PTPN21: variants seen among roughly 807,000 people sequenced by gnomAD.
PTPN21 encodes the protein protein tyrosine phosphatase non-receptor type 21.
In PTPN21, 77 loss-of-function variants were observed where a neutral mutation model predicts 131.8. The ratio of observed to expected loss-of-function variants is 0.58; its 90% CI spans 0.49 to 0.71. The LOEUF is 0.71. Among genes scored for constraint, PTPN21 ranks in the 30% least tolerant of loss-of-function variants. PTPN21 has a pLI of 0.00. For synonymous variants in PTPN21, 715 were observed against 621.3 expected (o/e 1.15, Z -2.24); for missense variants, 1,552 against 1,527.1 (o/e 1.02, Z -0.27).
At chr14:88,520,400 G>C (rs1386883982) in intron 2 of PTPN21, among the ~76,000 whole-genome samples, 3 of 137,718 alleles carry the variant, frequency 2.2e-5, no homozygotes, top group African/African-American at 8.5e-5. Flanking sequence ...AACAAAGTGA[G>C]ACTCTGCCTT....
At position 88,479,637 on chromosome 14, in the gene PTPN21, G is replaced by T; in HGVS notation, c.1794C>A (p.Arg598=). The change falls in exon 13 of 19, where the codon CGC becomes CGA. Residue 598 remains arginine, a synonymous_variant. Transcript: ENST00000556564. The stretch of plus-strand genomic sequence containing the variant: ...GGAACGTTTGCACCGAGTGGTGCAC[G>T]CGCCGCGTGATGAGGTCGGGGTTGC... The part of the protein sequence containing the change: ...SSSNPDLITR[R]VHHSVQTFQE... 6.4e-7 allele frequency: 1 copy of T among 1,563,480 alleles called. No individual in the cohort carries two copies. Among genetic ancestry groups the T allele is most frequent in the African/African-American group, 1.4e-5 (1 of 74,006 alleles).
Position 88,479,195 on chromosome 14 carries a change from A to G in PTPN21, c.2236T>C (p.Cys746Arg), listed in dbSNP as rs781467076. ...GGCCCGGCGAGCAGGACGCGAGGGC[A>G]GCCAGGTGGGTCCTGGGCCAGGCCG... ...RPGLAQDPPGCPRVLLAGPLH... is the reference protein window; with the variant it reads ...RPGLAQDPPGRPRVLLAGPLH... The change falls in exon 13 of 19, where the codon TGC becomes CGC. Residue 746 changes from cysteine (C) to arginine (R), a missense_variant. Around this residue, in one of 4 missense-constraint regions of PTPN21, gnomAD observed 1,016 missense variants for 883.5 expected, o/e 1.15. Coordinates refer to ENST00000556564, the MANE Select transcript of PTPN21 (RefSeq NM_007039.4). The G allele has an allele frequency of 1.3e-6, 2 of 1,573,784 alleles. No homozygotes were observed. The highest frequency in any genetic ancestry group is 2.7e-5 in the African/African-American group (2 of 73,216).
chr14:88,548,780 G>C (rs1694548469), intron 2 of PTPN21, among the ~76,000 whole-genome samples: 1 of 152,126 alleles, frequency 6.6e-6, no homozygotes, highest in Non-Finnish European at 1.5e-5. Context: ...GGTTTAATTA[G>C]AGACCTTTCT....
At chr14:88,487,974 A>AG (rs2077762857) in intron 10 of PTPN21, among the ~76,000 whole-genome samples, 1 of 151,514 alleles carries the variant, frequency 6.6e-6, no homozygotes, top group Non-Finnish European at 1.5e-5. Flanking sequence ...TCAAAAAAAA[A>AG]AAAAAAAAAA....
chr14:88,526,996 T>C (rs985399725), intron 2 of PTPN21, among the ~76,000 whole-genome samples: 8 of 152,138 alleles, frequency 5.3e-5, no homozygotes, highest in African/African-American at 1.9e-4. Flanking sequence ...CATTCCTGAG[T>C]AGTATTCCAT....
At chr14:88,540,366 G>A (rs547166746) in intron 2 of PTPN21, among the ~76,000 whole-genome samples, 3 of 152,318 alleles carry the variant, frequency 2.0e-5, no homozygotes, top group East Asian at 3.9e-4. Flanking sequence ...AATATGGTCA[G>A]TACCCAATGC....
In PTPN21 at chr14:88,466,082, G is replaced by GAGGGGA. The variant is rs986865868; in HGVS notation, c.*2049_*2054dup. 4 of 151,778 alleles carry GAGGGGA rather than the reference G, an allele frequency of 2.6e-5. No homozygotes were observed. Among genetic ancestry groups the GAGGGGA allele is most frequent in the Admixed American group, 1.3e-4 (2 of 15,246 alleles). 9.4% of individuals were successfully genotyped at this position (151,778 alleles called of 1,614,324 possible). A position where few individuals can be genotyped will look rare whatever the true frequency, so the allele number is the denominator to read the frequency against. ...AAAACGTACCATGGAGAGGGAGGGG[G>GAGGGGA]AGGGGAAGAAGCACTTTTTCTAGAG... On this transcript the variant is annotated 3_prime_UTR_variant, in exon 19 of 19. Transcript: ENST00000556564.
intron 2 of PTPN21, among the ~76,000 whole-genome samples, chr14:88,543,306 TC>T (rs1348740464): frequency 2.0e-5 from 3 of 152,250 alleles, no homozygotes; most frequent in African/African-American, 7.2e-5. Flanking sequence ...AAGCTGACAC[TC>T]CCTTGACACA....
intron 8 of PTPN21, among the ~76,000 whole-genome samples, chr14:88,499,128 G>A (rs1030839902): frequency 2.6e-5 from 4 of 152,028 alleles, no homozygotes; most frequent in Non-Finnish European, 4.4e-5. Flanking sequence ...TCCTCTCCCT[G>A]ACCCCCAACT....
intron 12 of PTPN21, among the ~76,000 whole-genome samples, chr14:88,482,939 G>A (rs1289933489): frequency 6.6e-6 from 1 of 151,752 alleles, no homozygotes; most frequent in Non-Finnish European, 1.5e-5. Flanking sequence ...AAAGGGCTGG[G>A]CACAGTGGCT....
chr14:88,473,424 G>C (rs1566807608), intron 14 of PTPN21, among the ~76,000 whole-genome samples: 1 of 152,062 alleles, frequency 6.6e-6, no homozygotes, highest in Non-Finnish European at 1.5e-5. Context: ...AAGGCCAGGA[G>C]AAGGTAAAAA....
intron 14 of PTPN21, 151 bp downstream of exon 14, chr14:88,473,514 C>T (rs1262489420): frequency 1.2e-6 from 1 of 866,610 alleles, no homozygotes; most frequent in African/African-American, 1.8e-5. Context: ...ATACATTTGC[C>T]CCAATTTTGA....
chr14:88,492,356 T>A (rs533565756), intron 10 of PTPN21, among the ~76,000 whole-genome samples: 22 of 152,182 alleles, frequency 1.4e-4, no homozygotes, highest in African/African-American at 5.3e-4. Flanking sequence ...CAAAGGCAAG[T>A]AGCACTACTG....
In PTPN21 at chr14:88,468,106, C is replaced by A; in HGVS notation, c.*31G>T. On this transcript the variant is annotated 3_prime_UTR_variant, in exon 19 of 19. Coordinates refer to ENST00000556564, the MANE Select transcript of PTPN21 (RefSeq NM_007039.4). ...TTTTTTTTAAGCTGTAAACGCTTCACATGACTGGCCCCGTAAGAAATTGTG... is the reference window on the plus strand; with the variant it reads ...TTTTTTTTAAGCTGTAAACGCTTCAAATGACTGGCCCCGTAAGAAATTGTG... 6.2e-7 allele frequency: 1 copy of A among 1,611,984 alleles called. No individual in the cohort carries two copies. Among genetic ancestry groups the A allele is most frequent in the South Asian group, 1.1e-5 (1 of 90,932 alleles).
At chr14:88,487,519 A>AT (rs142369901) in intron 10 of PTPN21, among the ~76,000 whole-genome samples, 5,610 of 152,154 alleles carry the variant, frequency 0.037, 350 homozygotes, top group African/African-American at 0.13. Context: ...ATATTAGCTT[A>AT]TTTTTATAAG....
rs1000084991 is a variant in PTPN21 at position 88,504,435 on chromosome 14, G to T, written c.577C>A (p.Gln193Lys). The part of the protein sequence containing the change: ...EATQKVALLH[Q>K]KYRGLTAPDA... ...ATTTCTTAGAGTTACCTGTATTTCT[G>T]ATGTAGTAAGGCCACTTTTTGGGTT... The change falls in exon 6 of 19, where the codon CAG (glutamine) becomes AAG (lysine). Residue 193 changes from glutamine (Q) to lysine (K), a missense_variant. By Grantham distance (53) the Gln-to-Lys change is moderately conservative (BLOSUM62 1). Coordinates refer to ENST00000556564, the MANE Select transcript of PTPN21 (RefSeq NM_007039.4). 6.2e-7 allele frequency: 1 copy of T among 1,605,650 alleles called. No individual in the cohort carries two copies. Among genetic ancestry groups the T allele is most frequent in the Non-Finnish European group, 8.5e-7 (1 of 1,172,376 alleles).
Position 88,497,300 on chromosome 14 carries a change from A to T in PTPN21, c.765-10T>A, listed in dbSNP as rs1310038667. The stretch of plus-strand genomic sequence containing the variant: ...GGCAATGTCATGCCACCTAAAGAAC[A>T]GCAAATAGAGAACTGGCAATGTGAG... On this transcript the variant is annotated splice_polypyrimidine_tract_variant and intron_variant, in intron 8 of 18. Transcript: ENST00000556564. 1 of 1,604,314 alleles carries T rather than the reference A, an allele frequency of 6.2e-7. No individual in the cohort carries two copies. Among genetic ancestry groups the T allele is most frequent in the South Asian group, 1.1e-5 (1 of 90,818 alleles).
intron 10 of PTPN21, among the ~76,000 whole-genome samples, chr14:88,488,988 T>TA (rs1163148022): frequency 4.6e-5 from 7 of 152,178 alleles, no homozygotes; most frequent in Non-Finnish European, 8.8e-5. Flanking sequence ...AGGAAAGTGA[T>TA]ACGTAAGTTC....
intron 6 of PTPN21, among the ~76,000 whole-genome samples, chr14:88,501,572 GCT>G (rs1418148798): frequency 2.0e-5 from 3 of 152,124 alleles, no homozygotes; most frequent in Non-Finnish European, 4.4e-5. Context: ...ATGAGATCCT[GCT>G]CTCCATACTT....
Sources: gnomAD v4.1 joint callset for allele counts (sites outside exome capture counted in the v4.1 genomes callset) on GRCh38, gnomAD v4.1.1 for gene constraint, gnomAD v4.1.1 regional missense constraint, MANE v1.5 for transcripts, NCBI Gene and HGNC (gene_info 2026-07-23, HGNC 2026-07-21) for gene names.